The following COBL variants were observed in gnomAD, a reference collection of about 807,000 sequenced individuals.
COBL encodes protein cordon-bleu.
COBL carries 51 observed loss-of-function variants against 98.8 expected under a neutral mutation model. The ratio of observed to expected loss-of-function variants is 0.52; its 90% confidence interval spans 0.41 to 0.65. COBL has a LOEUF of 0.65. Among genes scored for constraint, COBL ranks in the 30% least tolerant of loss-of-function variants. COBL has a pLI of 0.00. For synonymous variants in COBL, 634 were observed against 651.7 expected (o/e 0.97, Z 0.41); for missense variants, 1,617 against 1,617.5 (o/e 1.00, Z 0.01).
At chr7:51,129,976 T>C (rs1583893376) in intron 6 of COBL, among the ~76,000 whole-genome samples, 2 of 152,086 alleles carry the variant, frequency 1.3e-5, no homozygotes, top group African/African-American at 4.8e-5. Flanking sequence ...AGGAAACATC[T>C]CAGAGGGGCA....
At chr7:51,215,876 A>G (rs1792984918) in intron 2 of COBL, among the ~76,000 whole-genome samples, 1 of 152,220 alleles carries the variant, frequency 6.6e-6, no homozygotes, top group Non-Finnish European at 1.5e-5. Flanking sequence ...CCCTCTACAG[A>G]AGGAACATGG....
At position 51,016,653 on chromosome 7, in the gene COBL, T is replaced by C; in HGVS notation, c.*898A>G. 1 of 306,666 alleles carries C rather than the reference T, an allele frequency of 3.3e-6. No homozygotes were observed. Among genetic ancestry groups the C allele is most frequent in the Non-Finnish European group, 6.0e-6 (1 of 167,970 alleles). 19.0% of individuals were successfully genotyped at this position (306,666 alleles called of 1,614,324 possible). The stretch of plus-strand genomic sequence containing the variant: ...CTCAGCGCAACTTTGATCTGAACTC[T>C]TGACAGGTGGGCATCCAACATCCCT... On this transcript the variant is annotated 3_prime_UTR_variant, in exon 13 of 13. Transcript: ENST00000265136.
chr7:51,135,098 G>A (rs1799110453), intron 6 of COBL, among the ~76,000 whole-genome samples: 1 of 152,006 alleles, frequency 6.6e-6, no homozygotes, highest in Admixed American at 6.6e-5. Context: ...GAGTAGCTGG[G>A]ACAATAGGCG....
At chr7:51,147,721 C>G (rs1785164834) in intron 5 of COBL, among the ~76,000 whole-genome samples, 1 of 151,678 alleles carries the variant, frequency 6.6e-6, no homozygotes, top group Non-Finnish European at 1.5e-5. Flanking sequence ...ATTGCGGGAC[C>G]TAAGAACATA....
At chr7:51,081,680 T>C (rs535412265) in intron 7 of COBL, among the ~76,000 whole-genome samples, 2 of 152,356 alleles carry the variant, frequency 1.3e-5, no homozygotes, top group African/African-American at 4.8e-5. Context: ...ACAGAGCCAC[T>C]GGTGCTGGGC....
chr7:51,154,339 G>A (rs1785882647), intron 5 of COBL, among the ~76,000 whole-genome samples: 1 of 152,234 alleles, frequency 6.6e-6, no homozygotes, highest in Admixed American at 6.5e-5. Flanking sequence ...AACTGAAGCA[G>A]AGAACATGGT....
intron 7 of COBL, chr7:51,083,129 G>A: frequency 6.5e-7 from 1 of 1,526,920 alleles, no homozygotes; most frequent in South Asian, 1.2e-5. Flanking sequence ...CACCACGTCT[G>A]TGTCGGGAGG....
intron 2 of COBL, among the ~76,000 whole-genome samples, chr7:51,209,548 C>T (rs1460750038): frequency 6.6e-6 from 1 of 152,194 alleles, no homozygotes; most frequent in Admixed American, 6.5e-5. Context: ...ACAGGGAGAA[C>T]ATCACTATGC....
intron 2 of COBL, among the ~76,000 whole-genome samples, chr7:51,203,675 A>G (rs1020014570): frequency 6.6e-6 from 1 of 152,140 alleles, no homozygotes; most frequent in African/African-American, 2.4e-5. Flanking sequence ...AATTGAGTCA[A>G]GGAGAAACAG....
intron 1 of COBL, among the ~76,000 whole-genome samples, chr7:51,227,022 G>A (rs959045172): frequency 6.6e-6 from 1 of 152,152 alleles, no homozygotes; most frequent in Non-Finnish European, 1.5e-5. Context: ...ACCGCCTCCA[G>A]CCTTAATTAC....
intron 3 of COBL, among the ~76,000 whole-genome samples, chr7:51,191,437 A>T (rs1245160128): frequency 1.3e-5 from 2 of 152,038 alleles, no homozygotes; most frequent in Non-Finnish European, 2.9e-5. Context: ...AAAAGTTTGG[A>T]AGCAGTATGA....
intron 2 of COBL, among the ~76,000 whole-genome samples, chr7:51,195,451 T>C (rs1156783283): frequency 6.6e-6 from 1 of 152,248 alleles, no homozygotes; most frequent in Non-Finnish European, 1.5e-5. Context: ...AGTAGCATGA[T>C]GCCTCCAGCT....
At chr7:51,070,394 C>T (rs1381151430) in intron 7 of COBL, among the ~76,000 whole-genome samples, 1 of 148,408 alleles carries the variant, frequency 6.7e-6, no homozygotes, top group Non-Finnish European at 1.5e-5. Flanking sequence ...ACAGTTAAAA[C>T]ACACACACAC....
At chr7:51,027,100 C>A (rs765876724) in intron 10 of COBL, among the ~76,000 whole-genome samples, 6 of 152,218 alleles carry the variant, frequency 3.9e-5, no homozygotes, top group Non-Finnish European at 5.9e-5. Context: ...AGAAGAGAAT[C>A]CATGGCCCCC....
At chr7:51,204,347 A>T (rs1791446499) in intron 2 of COBL, among the ~76,000 whole-genome samples, 1 of 152,222 alleles carries the variant, frequency 6.6e-6, no homozygotes, top group Non-Finnish European at 1.5e-5. Context: ...TATTCAATAC[A>T]GTACTGGTAG....
chr7:51,286,960 A>G (rs1259219649), intron 1 of COBL, among the ~76,000 whole-genome samples: 1 of 152,222 alleles, frequency 6.6e-6, no homozygotes, highest in Non-Finnish European at 1.5e-5. Flanking sequence ...CCTTTGCAGC[A>G]ACATGGATGC....
intron 7 of COBL, among the ~76,000 whole-genome samples, chr7:51,060,481 T>C (rs763012827): frequency 6.6e-6 from 1 of 152,180 alleles, no homozygotes; most frequent in East Asian, 1.9e-4. Context: ...GCTGGTTTGA[T>C]AGAACAGTAG....
intron 1 of COBL, among the ~76,000 whole-genome samples, chr7:51,309,030 G>A (rs940445441): frequency 3.9e-5 from 6 of 152,138 alleles, no homozygotes; most frequent in Non-Finnish European, 7.3e-5. Flanking sequence ...ACTGTCAGGG[G>A]CACCCCTTCC....
chr7:51,168,976 C>A (rs1440439301), intron 5 of COBL, among the ~76,000 whole-genome samples: 1 of 152,126 alleles, frequency 6.6e-6, no homozygotes, highest in African/African-American at 2.4e-5. Context: ...AAGGGGATTC[C>A]AGAGTTAACT....
Sources: gnomAD v4.1 joint callset for allele counts (sites outside exome capture counted in the v4.1 genomes callset) on GRCh38, gnomAD v4.1.1 for gene constraint, MANE v1.5 for transcripts, NCBI Gene and HGNC (gene_info 2026-07-23, HGNC 2026-07-21) for gene names.